FGFR1OP2: variants seen among roughly 807,000 people sequenced by gnomAD.
FGFR1OP2 encodes fibroblast growth factor receptor 1 oncogene partner 2.
FGFR1OP2 carries 17 observed loss-of-function variants against 35.2 expected under a neutral mutation model. The ratio of observed to expected loss-of-function variants is 0.48; its 90% CI spans 0.33 to 0.73. The LOEUF (loss-of-function observed/expected upper bound fraction) is 0.73, where lower values mean the gene tolerates loss of function less well. Among genes scored for constraint, FGFR1OP2 ranks in the 30% least tolerant of loss-of-function variants. The pLI is 0.02. For missense variants in FGFR1OP2, 251 were observed against 307.3 expected (o/e 0.82, Z 1.37); for synonymous variants, 105 against 104.6 (o/e 1.00, Z -0.03).
Position 26,965,752 on chromosome 12 carries a change from A to T in FGFR1OP2, c.*1019A>T, listed in dbSNP as rs1939167670. On this transcript the variant is annotated 3_prime_UTR_variant, in exon 7 of 7. Coordinates refer to ENST00000229395, the MANE Select transcript of FGFR1OP2 (RefSeq NM_015633.3). ...CCTCATAACCTGCAAGATTTTTCTT[A>T]AAACCTTTCAGCTGAAAGTGGGGGT... 1 of 151,920 alleles carries T rather than the reference A, an allele frequency of 6.6e-6. No homozygotes were observed. The highest frequency in any genetic ancestry group is 2.4e-5 in the African/African-American group (1 of 41,422). 9.4% of individuals were successfully genotyped at this position (151,920 alleles called of 1,614,324 possible).
At chr12:26,963,746 TTATTC>T (rs1264395495) in intron 6 of FGFR1OP2, among the ~76,000 whole-genome samples, 3 of 152,160 alleles carry the variant, frequency 2.0e-5, no homozygotes, top group South Asian at 2.1e-4. Context: ...AAAATTTTGT[TTATTC>T]TATTAGAGAT....
At position 26,965,989 on chromosome 12, in the gene FGFR1OP2, G is replaced by C. The variant is rs762044268; in HGVS notation, c.*1256G>C. On this transcript the variant is annotated 3_prime_UTR_variant, in exon 7 of 7. Coordinates refer to ENST00000229395, the MANE Select transcript of FGFR1OP2 (RefSeq NM_015633.3). ...TATTGTACTCATTTATGTTGAATACGTATTAAAATTAAGACAAATGGAAAA... is the reference window on the plus strand; with the variant it reads ...TATTGTACTCATTTATGTTGAATACCTATTAAAATTAAGACAAATGGAAAA... The C allele has an allele frequency of 6.6e-6, 1 of 151,912 alleles. No homozygotes were observed. The highest frequency in any genetic ancestry group is 1.9e-4 in the East Asian group (1 of 5,198). 9.4% of individuals were successfully genotyped at this position (151,912 alleles called of 1,614,324 possible). A position where few individuals can be genotyped will look rare whatever the true frequency, so the allele number is the denominator to read the frequency against.
At chr12:26,962,817 T>TA (rs1161613053) in intron 5 of FGFR1OP2, 15 of 152,238 alleles carry the variant, frequency 9.9e-5, no homozygotes, top group African/African-American at 3.6e-4. Flanking sequence ...ATTCAATACT[T>TA]ACCATATACC....
intron 5 of FGFR1OP2, chr12:26,961,688 AG>A (rs1438938842): frequency 6.6e-6 from 1 of 152,184 alleles, no homozygotes; most frequent in Non-Finnish European, 1.5e-5. Context: ...CAGTGAGCCG[AG>A]GTCGTGCCAT....
chr12:26,951,640 A>G (rs989924842), intron 1 of FGFR1OP2, among the ~76,000 whole-genome samples: 2 of 152,110 alleles, frequency 1.3e-5, no homozygotes, highest in Non-Finnish European at 2.9e-5. Context: ...AATATAATAG[A>G]CAGTGGGGTT....
At chr12:26,945,235 ATTTC>A (rs1477584615) in intron 1 of FGFR1OP2, among the ~76,000 whole-genome samples, 1 of 150,880 alleles carries the variant, frequency 6.6e-6, no homozygotes, top group Non-Finnish European at 1.5e-5. Context: ...ACTCTTTATT[ATTTC>A]TTTCTATTTA....
Position 26,959,027 on chromosome 12 carries a change from C to T in FGFR1OP2, c.396+1284C>T, listed in dbSNP as rs535312170. Reference sequence around the variant, plus strand: ...AACACATTTTAGATTCTTTAAAATACTTCTTCCATTTTGGTGCTTGTACGT... The same window carrying T: ...AACACATTTTAGATTCTTTAAAATATTTCTTCCATTTTGGTGCTTGTACGT... On this transcript the variant is annotated intron_variant, in intron 4 of 6. Coordinates refer to ENST00000229395, the MANE Select transcript of FGFR1OP2 (RefSeq NM_015633.3). 3.3e-5 allele frequency among the ~76,000 whole-genome samples: 5 copies of T among 152,098 alleles called. No individual in the cohort carries two copies. In the East Asian group the frequency reaches 9.6e-4, roughly 29 times the overall value.
chr12:26,948,915 C>T (rs1158071977), intron 1 of FGFR1OP2, among the ~76,000 whole-genome samples: 1 of 151,956 alleles, frequency 6.6e-6, no homozygotes, highest in African/African-American at 2.4e-5. Context: ...TGGCATGCAC[C>T]TATATAGTCT....
intron 1 of FGFR1OP2, among the ~76,000 whole-genome samples, chr12:26,939,548 G>C (rs1445825739): frequency 1.3e-5 from 2 of 152,096 alleles, no homozygotes; most frequent in Non-Finnish European, 2.9e-5. Context: ...ACTTTTGTAC[G>C]TGCGGATGTC....
Position 26,964,927 on chromosome 12 carries a change from C to T in FGFR1OP2, c.*194C>T. 2.0e-6 allele frequency: 1 copy of T among 503,668 alleles called. No individual in the cohort carries two copies. 31.2% of individuals were successfully genotyped at this position (503,668 alleles called of 1,614,324 possible). On this transcript the variant is annotated 3_prime_UTR_variant, in exon 7 of 7. Transcript: ENST00000229395. ...CCAAAACATAATTGGAAAATAGAAA[C>T]TGAGCCATTGCCAAATGGTAAAGAA...
chr12:26,947,920 T>C (rs909481993), intron 1 of FGFR1OP2, among the ~76,000 whole-genome samples: 5 of 152,210 alleles, frequency 3.3e-5, no homozygotes, highest in African/African-American at 1.2e-4. Flanking sequence ...CTCTGTCTTT[T>C]GGGTTATTGA....
chr12:26,959,435 A>G (rs1939071254), intron 4 of FGFR1OP2, among the ~76,000 whole-genome samples: 1 of 152,180 alleles, frequency 6.6e-6, no homozygotes, highest in Admixed American at 6.5e-5. Flanking sequence ...AAAGGTTTGT[A>G]TGTTTTATAA....
At chr12:26,960,865 T>G in intron 5 of FGFR1OP2, 1 of 396,850 alleles carries the variant, frequency 2.5e-6, no homozygotes, top group Admixed American at 4.4e-5. Flanking sequence ...TTATAGGTTA[T>G]TCAGTCCAAC....
At chr12:26,946,981 C>T (rs1023088075) in intron 1 of FGFR1OP2, among the ~76,000 whole-genome samples, 1 of 151,448 alleles carries the variant, frequency 6.6e-6, no homozygotes, top group African/African-American at 2.4e-5. Context: ...AGTTTTCATC[C>T]ATGTTGTAGC....
At chr12:26,954,386 A>T (rs1344694678) in intron 2 of FGFR1OP2, 93 bp downstream of exon 2, 3 of 1,415,196 alleles carry the variant, frequency 2.1e-6, no homozygotes, top group Non-Finnish European at 2.8e-6. Flanking sequence ...TTTTTTCAAC[A>T]TTCTCTAAAA....
At chr12:26,959,687 A>G (rs945421797) in intron 4 of FGFR1OP2, among the ~76,000 whole-genome samples, 1 of 152,180 alleles carries the variant, frequency 6.6e-6, no homozygotes, top group African/African-American at 2.4e-5. Context: ...TCTTCATCTA[A>G]GTTCAGATGA....
intron 1 of FGFR1OP2, among the ~76,000 whole-genome samples, chr12:26,949,118 G>A (rs112565245): frequency 8.1e-4 from 123 of 152,228 alleles, no homozygotes; most frequent in Non-Finnish European, 1.4e-3. Flanking sequence ...GGTTTTAGTC[G>A]TTGATTCACC....
In FGFR1OP2 at chr12:26,950,217, T is replaced by TTTTTTTTG. The variant is rs1555211403; in HGVS notation, c.-14-3921_-14-3920insGTTTTTTT. On this transcript the variant is annotated intron_variant, in intron 1 of 6. Coordinates refer to ENST00000229395, the MANE Select transcript of FGFR1OP2 (RefSeq NM_015633.3). ...CAAGTAGTTAATGTATTCGTTGTTT[T>TTTTTTTTG]TTTTTTTTTTTTTTTTTTTTTTGAG... Among the ~76,000 whole-genome samples, 168 of 101,564 alleles carry TTTTTTTTG rather than the reference T, an allele frequency of 1.7e-3. 13 individuals carry two copies. The highest frequency in any genetic ancestry group is 2.1e-3 in the Non-Finnish European group (106 of 50,840). 66.6% of individuals were successfully genotyped at this position (101,564 alleles called of 152,430 possible).
chr12:26,950,349 C>T (rs1185210), intron 1 of FGFR1OP2, among the ~76,000 whole-genome samples: 128 of 150,274 alleles, frequency 8.5e-4, no homozygotes, highest in Admixed American at 7.3e-4. Flanking sequence ...CAGCCTCCTG[C>T]GTAGCTGAGA....
Sources: allele counts gnomAD v4.1 joint callset (sites outside exome capture counted in the v4.1 genomes callset), GRCh38; gene constraint gnomAD v4.1.1; transcripts MANE v1.5; gene names NCBI Gene and HGNC (gene_info 2026-07-23, HGNC 2026-07-21).